DNMT1: variants seen among roughly 807,000 people sequenced by gnomAD.
DNMT1 encodes the protein DNA (cytosine-5)-methyltransferase 1.
In DNMT1, 24 loss-of-function variants were observed where a neutral mutation model predicts 205.3. The ratio of observed to expected loss-of-function variants is 0.12; its 90% CI spans 0.08 to 0.16. DNMT1 has a LOEUF of 0.16. Ranked by LOEUF, DNMT1 falls within the 10% of genes least tolerant of loss-of-function variation. The pLI, the probability that DNMT1 is intolerant of heterozygous loss-of-function variation, is 1.00. For synonymous variants in DNMT1, 817 were observed against 839.8 expected (o/e 0.97, Z 0.47); for missense variants, 1,293 against 2,177.7 (o/e 0.59, Z 8.09).
chr19:10,152,898 G>T (rs2038378866), intron 22 of DNMT1, among the ~76,000 whole-genome samples: 1 of 144,680 alleles, frequency 6.9e-6, no homozygotes, highest in South Asian at 2.2e-4. Flanking sequence ...CCAGGAGTTT[G>T]AGACCAGGCA....
At chr19:10,190,622 G>A (rs988570767) in intron 1 of DNMT1, among the ~76,000 whole-genome samples, 7 of 151,904 alleles carry the variant, frequency 4.6e-5, no homozygotes, top group East Asian at 1.9e-4. Context: ...AAAGTTAGCC[G>A]GGCGTGGTGG....
In DNMT1 at chr19:10,143,805, T is replaced by A. The variant is rs373940840; in HGVS notation, c.3077A>T (p.Asn1026Ile). The A allele has an allele frequency of 1.2e-6, 2 of 1,614,036 alleles. No homozygotes were observed. Among genetic ancestry groups the A allele is most frequent in the Non-Finnish European group, 1.7e-6 (2 of 1,180,020 alleles). The change falls in exon 29 of 41, where the codon AAT becomes ATT. Residue 1026 changes from asparagine to isoleucine, a missense_variant. Around this residue, in one of 13 missense-constraint regions of DNMT1, gnomAD observed 167 missense variants for 258.1 expected, o/e 0.65. Transcript: ENST00000359526. The stretch of plus-strand genomic sequence containing the variant: ...GACCCGGATTTTGATGTCAGTCTCA[T>A]TGGGCCTGCCGTTGCTCTTCTTGGG... ...FCPKKSNGRP[N>I]ETDIKIRVNK... is the part of the protein sequence containing the mutation.
At chr19:10,135,965 A>G in intron 38 of DNMT1, 113 bp from the exon 39 acceptor site, 1 of 1,485,316 alleles carries the variant, frequency 6.7e-7, no homozygotes, top group Non-Finnish European at 9.1e-7. Flanking sequence ...TTGGCCTATG[A>G]GCTTGTCCCG....
chr19:10,154,772 G>A lies in DNMT1; in HGVS notation c.1646C>T (p.Thr549Ile), dbSNP rs556213169. ...TYEDLINKIETTVPPSGLNLN... is the reference protein window; with the variant it reads ...TYEDLINKIEITVPPSGLNLN... ...GTTGAGGCCAGAAGGAGGAACCGTG[G>A]TCTTGAAAGAGAACAGGTTTCTCTC... The change falls in exon 21 of 41, where the codon ACC becomes ATC. Residue 549 changes from threonine to isoleucine, a missense_variant and splice_region_variant. Around this residue, in one of 13 missense-constraint regions of DNMT1, gnomAD observed 120 missense variants for 315.9 expected, o/e 0.38. Transcript: ENST00000359526. The surrounding 1 kb of genome is among the most constrained non-coding windows in gnomAD (Gnocchi z 6.3). 6.2e-7 allele frequency: 1 copy of A among 1,614,252 alleles called. No homozygotes were observed. The highest frequency in any genetic ancestry group is 1.1e-5 in the South Asian group (1 of 91,088).
intron 1 of DNMT1, among the ~76,000 whole-genome samples, chr19:10,187,463 T>G (rs558315810): frequency 3.2e-4 from 48 of 151,524 alleles, no homozygotes; most frequent in African/African-American, 1.1e-3. Context: ...TAGCTGGCTG[T>G]GGTAGCATGC....
intron 27 of DNMT1, 24 bp downstream of exon 27, chr19:10,148,860 C>T (rs1314025036): frequency 1.1e-5 from 18 of 1,613,970 alleles, no homozygotes; most frequent in Non-Finnish European, 1.4e-5. Flanking sequence ...GCCTGCTGAC[C>T]CCGAGTCCAG....
At chr19:10,170,207 C>G (rs749147865) in intron 9 of DNMT1, among the ~76,000 whole-genome samples, 1 of 151,622 alleles carries the variant, frequency 6.6e-6, no homozygotes. Context: ...ATCGCTGGAA[C>G]CCAGGGGGTG....
chr19:10,168,943 T>C (rs1373437210), intron 9 of DNMT1, among the ~76,000 whole-genome samples: 29 of 152,146 alleles, frequency 1.9e-4, no homozygotes, highest in African/African-American at 2.4e-5. Flanking sequence ...GTTCAAACAA[T>C]TCTCCTGCTT....
At chr19:10,158,233 A>G (rs989573252) in intron 17 of DNMT1, among the ~76,000 whole-genome samples, 18 of 151,972 alleles carry the variant, frequency 1.2e-4, no homozygotes, top group African/African-American at 3.9e-4. Context: ...ACCACAGCAC[A>G]CCTCACTCAC....
chr19:10,182,169 C>T, intron 1 of DNMT1, 92 bp from the exon 2 acceptor site: 1 of 1,369,340 alleles, frequency 7.3e-7, no homozygotes. Flanking sequence ...AAGTTTTGGA[C>T]ACAAACAAGT....
Position 10,140,681 on chromosome 19 carries a change from CTT to C in DNMT1, c.3523+98_3523+99del. Reference sequence around the variant, plus strand: ...CCGTGCCTGGCCTCGGAAGGAGATTCTTGAGTCAGGAAGGTGACCGGGGTTGG... The same window carrying C: ...CCGTGCCTGGCCTCGGAAGGAGATTCGAGTCAGGAAGGTGACCGGGGTTGG... On this transcript the variant is annotated intron_variant, in intron 32 of 40. Transcript: ENST00000359526. This position sits in a 1 kb window ranked among gnomAD's most constrained non-coding sequence, Gnocchi z 8.4. 1 of 1,602,810 alleles carries C rather than the reference CTT, an allele frequency of 6.2e-7. No individual in the cohort carries two copies. Among genetic ancestry groups the C allele is most frequent in the Non-Finnish European group, 8.5e-7 (1 of 1,171,706 alleles).
At chr19:10,145,134 G>A (rs1164339212) in intron 28 of DNMT1, among the ~76,000 whole-genome samples, 1 of 152,264 alleles carries the variant, frequency 6.6e-6, no homozygotes, top group Admixed American at 6.5e-5. Context: ...GACAATGGGA[G>A]TGTGGTCTGA....
chr19:10,154,516 C>CA lies in DNMT1; in HGVS notation c.1833-38dup. The stretch of plus-strand genomic sequence containing the variant: ...GTTCCAGCATCTCAGAGGACTGGGA[C>CA]AGAGGATGTGGGCCATGCTCTACCC... On this transcript the variant is annotated intron_variant, in intron 21 of 40. Transcript: ENST00000359526. This position sits in a 1 kb window ranked among gnomAD's most constrained non-coding sequence, Gnocchi z 6.3. The CA allele has an allele frequency of 6.2e-7, 1 of 1,614,106 alleles. No individual in the cohort carries two copies. Among genetic ancestry groups the CA allele is most frequent in the Non-Finnish European group, 8.5e-7 (1 of 1,180,018 alleles).
chr19:10,155,621 G>A (rs1046360192), intron 19 of DNMT1, among the ~76,000 whole-genome samples: 1 of 151,982 alleles, frequency 6.6e-6, no homozygotes, highest in African/African-American at 2.4e-5. Flanking sequence ...GGGATTACAG[G>A]TGTGAGCCAC....
chr19:10,159,945 G>A lies in DNMT1; in HGVS notation c.1090-23C>T. 2 of 1,614,224 alleles carry A rather than the reference G, an allele frequency of 1.2e-6. No individual in the cohort carries two copies. Among genetic ancestry groups the A allele is most frequent in the Non-Finnish European group, 1.7e-6 (2 of 1,180,048 alleles). On this transcript the variant is annotated intron_variant, in intron 15 of 40. Transcript: ENST00000359526. This position sits in a 1 kb window ranked among gnomAD's most constrained non-coding sequence, Gnocchi z 5.0. ...GGTCTGTGGGAGCAGGAACACAGAT[G>A]ATGGCACTCAGAGAGCAGCTCCCAG... is the stretch of plus-strand genomic sequence containing the variant.
chr19:10,135,679 G>A lies in DNMT1; in HGVS notation c.4773+57C>T, dbSNP rs139988162. On this transcript the variant is annotated intron_variant, in intron 39 of 40. Transcript: ENST00000359526. ...ACTGCGCTGGCCCCAGCCCCACCTG[G>A]TGACAGGCACAGAAGCCTCCTTCCT... The A allele has an allele frequency of 5.4e-4, 839 of 1,567,014 alleles. 21 individuals carry two copies. The East Asian group carries it at 0.019, about 35-fold the overall frequency.
chr19:10,150,032 A>G (rs1599360383), intron 24 of DNMT1, 64 bp from the exon 25 acceptor site: 1 of 1,391,514 alleles, frequency 7.2e-7, no homozygotes, highest in Admixed American at 1.7e-5. Flanking sequence ...CTTGACTTGC[A>G]TGGTCCTCTG....
At chr19:10,180,916 C>G (rs1422047397) in intron 2 of DNMT1, 31 bp from the exon 3 acceptor site, 1 of 1,583,252 alleles carries the variant, frequency 6.3e-7, no homozygotes, top group Non-Finnish European at 8.7e-7. Context: ...TAGCAGTACC[C>G]ACATTCCCAA....
Position 10,137,691 on chromosome 19 carries a change from G to A in DNMT1, c.4293+141C>T, listed in dbSNP as rs2089516964. On this transcript the variant is annotated intron_variant, in intron 36 of 40. Coordinates refer to ENST00000359526, the MANE Select transcript of DNMT1 (RefSeq NM_001130823.3). The surrounding 1 kb of genome is among the most constrained non-coding windows in gnomAD (Gnocchi z 6.4). ...CATGACCATGCAAGAGAGACCAGGG[G>A]TCACACAAAGGCTGAGGACTCGGGA... 3 of 1,174,750 alleles carry A rather than the reference G, an allele frequency of 2.6e-6. No homozygotes were observed. The highest frequency in any genetic ancestry group is 1.2e-6 in the Non-Finnish European group (1 of 816,090). The allele number at this position is 1,174,750 out of a possible 1,614,324, so 72.8% of individuals were successfully genotyped here. A position where few individuals can be genotyped will look rare whatever the true frequency, so the allele number is the denominator to read the frequency against.
Sources: gnomAD v4.1 joint callset for allele counts (sites outside exome capture counted in the v4.1 genomes callset) on GRCh38, gnomAD v4.1.1 for gene constraint, gnomAD v4.1.1 regional missense constraint, Gnocchi (gnomAD v3.1) non-coding constraint, MANE v1.5 for transcripts, NCBI Gene and HGNC (gene_info 2026-07-23, HGNC 2026-07-21) for gene names.